Variants in C8A observed in about 807,000 individuals in gnomAD.
The protein encoded by C8A is complement component C8 alpha chain.
C8A carries 67 observed loss-of-function variants against 65.3 expected under a neutral mutation model. The ratio of observed to expected loss-of-function variants is 1.03; its 90% confidence interval spans 0.84 to 1.26. C8A has a LOEUF of 1.26. C8A is among the 50% of genes most tolerant of loss of function. The pLI is 0.00. For synonymous variants in C8A, 290 were observed against 259.4 expected, an observed-to-expected ratio of 1.12 and a Z score of -1.13; for missense variants, 781 against 723.9, an observed-to-expected ratio of 1.08 and a Z score of -0.90.
chr1:56,897,825 G>T (rs1418716359), intron 7 of C8A, among the ~76,000 whole-genome samples: 1 of 152,140 alleles, frequency 6.6e-6, no homozygotes, highest in African/African-American at 2.4e-5. Context: ...CACTCATTCA[G>T]TAAATGCTCA....
chr1:56,862,808 A>C (rs1275129511), intron 1 of C8A, among the ~76,000 whole-genome samples: 1 of 152,268 alleles, frequency 6.6e-6, no homozygotes, highest in East Asian at 1.9e-4. Flanking sequence ...AATATTTTCC[A>C]AGATTTATTA....
chr1:56,908,809 A>C (rs1411570434), intron 9 of C8A, among the ~76,000 whole-genome samples: 1 of 152,232 alleles, frequency 6.6e-6, no homozygotes, highest in Non-Finnish European at 1.5e-5. Flanking sequence ...CTTGGATTTC[A>C]GACCTTTGGA....
Position 56,886,033 on chromosome 1 carries a change from T to C in C8A, c.962T>C (p.Leu321Pro). 1.5e-5 allele frequency: 25 copies of C among 1,614,074 alleles called. No homozygotes were observed. The highest frequency in any genetic ancestry group is 2.1e-5 in the Non-Finnish European group (25 of 1,179,960). ...DEGMLQSLME[L>P]PDQYNYGMYA... ...GGAATGCTGCAGTCATTAATGGAGCTTCCAGATCAGTACAATTATGGCATG... is the reference window on the plus strand; with the variant it reads ...GGAATGCTGCAGTCATTAATGGAGCCTCCAGATCAGTACAATTATGGCATG... The change falls in exon 7 of 11, where the codon CTT becomes CCT. Residue 321 changes from leucine (L) to proline (P), a missense_variant. Transcript: ENST00000361249.
chr1:56,915,950 C>G (rs1644547566), intron 10 of C8A, among the ~76,000 whole-genome samples: 1 of 152,194 alleles, frequency 6.6e-6, no homozygotes, highest in Admixed American at 6.5e-5. Context: ...CTTAAAGGAA[C>G]AGATGTGAGC....
intron 1 of C8A, among the ~76,000 whole-genome samples, chr1:56,866,062 T>C (rs1026912104): frequency 6.6e-6 from 1 of 152,190 alleles, no homozygotes; most frequent in African/African-American, 2.4e-5. Context: ...ACTTGTCAAG[T>C]TTTCATGTAA....
intron 7 of C8A, 23 bp downstream of exon 7, chr1:56,886,190 G>C (rs754448203): frequency 1.2e-6 from 2 of 1,613,162 alleles, no homozygotes; most frequent in Non-Finnish European, 1.7e-6. Flanking sequence ...GAAGCTCTAT[G>C]TACACAGTAG....
chr1:56,891,282 G>GGCATC (rs1644343010), intron 7 of C8A, among the ~76,000 whole-genome samples: 1 of 152,132 alleles, frequency 6.6e-6, no homozygotes, highest in Non-Finnish European at 1.5e-5. Context: ...TGGTGTGTTT[G>GGCATC]TGAAGGGGAA....
intron 9 of C8A, among the ~76,000 whole-genome samples, chr1:56,908,843 C>G (rs143902718): frequency 0.017 from 2,589 of 152,322 alleles, 72 homozygotes; most frequent in South Asian, 0.11. Flanking sequence ...TCTCACTTCT[C>G]TCTATCCTAG....
At chr1:56,897,268 T>A (rs1412588396) in intron 7 of C8A, among the ~76,000 whole-genome samples, 2 of 152,178 alleles carry the variant, frequency 1.3e-5, no homozygotes, top group African/African-American at 4.8e-5. Context: ...ATGTTTAAAC[T>A]GAAAAGCATG....
intron 4 of C8A, among the ~76,000 whole-genome samples, chr1:56,880,694 A>G (rs1644240471): frequency 6.6e-6 from 1 of 152,150 alleles, no homozygotes; most frequent in African/African-American, 2.4e-5. Context: ...GAGCCCTTAT[A>G]CTATACTAAG....
At chr1:56,897,926 CATA>C (rs997250920) in intron 7 of C8A, among the ~76,000 whole-genome samples, 3 of 152,176 alleles carry the variant, frequency 2.0e-5, no homozygotes, top group African/African-American at 7.2e-5. Flanking sequence ...CCAAGAATAA[CATA>C]ATGTGATAAA....
At chr1:56,908,506 C>T (rs1240131303) in intron 9 of C8A, among the ~76,000 whole-genome samples, 1 of 152,340 alleles carries the variant, frequency 6.6e-6, no homozygotes, top group Non-Finnish European at 1.5e-5. Context: ...TTGTGGGACA[C>T]ATACAATCTA....
At chr1:56,914,511 A>C (rs886208197) in intron 10 of C8A, among the ~76,000 whole-genome samples, 23 of 152,186 alleles carry the variant, frequency 1.5e-4, no homozygotes, top group Admixed American at 1.3e-3. Flanking sequence ...TCAAACTACA[A>C]ATACCAATTT....
intron 7 of C8A, among the ~76,000 whole-genome samples, chr1:56,901,041 A>G (rs969501775): frequency 6.6e-6 from 1 of 152,136 alleles, no homozygotes; most frequent in Admixed American, 6.5e-5. Flanking sequence ...GCACTGAGGT[A>G]CTCATTTTAT....
At chr1:56,910,447 T>C (rs1285899031) in intron 9 of C8A, among the ~76,000 whole-genome samples, 1 of 152,168 alleles carries the variant, frequency 6.6e-6, no homozygotes, top group Non-Finnish European at 1.5e-5. Context: ...GTCCACCCTA[T>C]GGAGGGCTTC....
chr1:56,907,072 C>A (rs1292718403), intron 8 of C8A, among the ~76,000 whole-genome samples: 1 of 152,164 alleles, frequency 6.6e-6, no homozygotes, highest in East Asian at 1.9e-4. Flanking sequence ...TGAAAGGAAT[C>A]TGGAAAATGG....
intron 1 of C8A, among the ~76,000 whole-genome samples, chr1:56,859,936 G>A (rs1644014665): frequency 6.6e-6 from 1 of 152,140 alleles, no homozygotes; most frequent in Non-Finnish European, 1.5e-5. Flanking sequence ...GGTGGCACAT[G>A]CCTGTAGTCC....
chr1:56,872,023 T>C (rs973281727), intron 2 of C8A, among the ~76,000 whole-genome samples: 3 of 152,156 alleles, frequency 2.0e-5, no homozygotes, highest in Non-Finnish European at 2.9e-5. Flanking sequence ...CATCACCCCA[T>C]AACATGTACA....
intron 6 of C8A, among the ~76,000 whole-genome samples, chr1:56,885,356 ATGT>A: frequency 1.1e-5 from 1 of 89,846 alleles, no homozygotes; most frequent in Non-Finnish European, 2.1e-5. Context: ...ATATATATTT[ATGT>A]AAATATATAT....
Sources: gnomAD v4.1 joint callset for allele counts (sites outside exome capture counted in the v4.1 genomes callset) on GRCh38, gnomAD v4.1.1 for gene constraint, MANE v1.5 for transcripts, NCBI Gene and HGNC (gene_info 2026-07-23, HGNC 2026-07-21) for gene names.